LMO7: variants seen among roughly 807,000 people sequenced by gnomAD.
LMO7 encodes the protein LIM domain 7.
Under a neutral mutation model 206.5 loss-of-function variants are expected in LMO7, and 120 were observed. The ratio of observed to expected loss-of-function variants is 0.58; its 90% CI spans 0.50 to 0.68. The LOEUF is 0.68. Ranked by LOEUF, LMO7 falls within the 30% of genes least tolerant of loss-of-function variation. LMO7 has a pLI of 0.00. For synonymous variants in LMO7, 706 were observed against 681.5 expected (o/e 1.04, Z -0.56); for missense variants, 1,959 against 1,957.9 (o/e 1.00, Z -0.01).
intron 26 of LMO7, among the ~76,000 whole-genome samples, chr13:75,846,246 AG>A (rs1246705505): frequency 6.6e-6 from 1 of 152,204 alleles, no homozygotes; most frequent in Admixed American, 6.5e-5. Flanking sequence ...CTCTCATTAA[AG>A]CTTATAGAAC....
At chr13:75,714,270 A>G (rs886608965) in intron 2 of LMO7, among the ~76,000 whole-genome samples, 1 of 152,076 alleles carries the variant, frequency 6.6e-6, no homozygotes. Flanking sequence ...TTTGAGCCTT[A>G]TTTTCTCATC....
At chr13:75,641,610 G>T (rs923667580) in intron 1 of LMO7, among the ~76,000 whole-genome samples, 3 of 152,094 alleles carry the variant, frequency 2.0e-5, no homozygotes, top group Admixed American at 6.6e-5. Flanking sequence ...GAATGGCCAA[G>T]AAATGTCTTA....
At chr13:75,642,841 A>AT (rs2036673064) in intron 1 of LMO7, among the ~76,000 whole-genome samples, 1 of 152,144 alleles carries the variant, frequency 6.6e-6, no homozygotes, top group Non-Finnish European at 1.5e-5. Context: ...ATGTTGTCCT[A>AT]TTTTTTCTCA....
intron 1 of LMO7, among the ~76,000 whole-genome samples, chr13:75,661,506 C>G: frequency 6.6e-6 from 1 of 152,222 alleles, no homozygotes; most frequent in Non-Finnish European, 1.5e-5. Context: ...GAAGCTGTTT[C>G]AATTGGAGCA....
intron 22 of LMO7, 61 bp downstream of exon 22, chr13:75,840,556 C>A: frequency 6.3e-7 from 1 of 1,579,626 alleles, no homozygotes; most frequent in South Asian, 1.1e-5. Flanking sequence ...TTTCTCCAGT[C>A]TGTCAACCAG....
chr13:75,838,287 C>A, intron 20 of LMO7, 91 bp downstream of exon 20: 2 of 1,527,852 alleles, frequency 1.3e-6, no homozygotes, highest in Non-Finnish European at 1.8e-6. Context: ...GGCACTGAGC[C>A]TCTTCAATTT....
chr13:75,807,166 T>A (rs1048025729), intron 9 of LMO7: 3 of 265,364 alleles, frequency 1.1e-5, no homozygotes, highest in Non-Finnish European at 2.2e-5. Flanking sequence ...TACCAGGGAG[T>A]GGCTTTTGTG....
intron 16 of LMO7, 88 bp from the exon 17 acceptor site, chr13:75,834,138 A>T: frequency 1.1e-6 from 1 of 926,726 alleles, no homozygotes; most frequent in Non-Finnish European, 1.6e-6. Context: ...ATTGAAATTC[A>T]GAGTCATTTT....
At chr13:75,838,346 G>A (rs770596966) in intron 20 of LMO7, 150 bp downstream of exon 20, 16 of 1,513,500 alleles carry the variant, frequency 1.1e-5, no homozygotes, top group African/African-American at 1.4e-5. Flanking sequence ...TCTTTCCCTA[G>A]GGTCATCAGG....
chr13:75,778,292 G>A (rs2140240051), intron 4 of LMO7, among the ~76,000 whole-genome samples: 1 of 152,064 alleles, frequency 6.6e-6, no homozygotes, highest in African/African-American at 2.4e-5. Context: ...GAGTGCAGTG[G>A]TGCGATCTCA....
chr13:75,693,260 C>T (rs540842119), intron 1 of LMO7, among the ~76,000 whole-genome samples: 3 of 152,318 alleles, frequency 2.0e-5, no homozygotes, highest in African/African-American at 7.2e-5. Flanking sequence ...TATTAAACAA[C>T]CACATTTTGA....
At chr13:75,740,868 G>A (rs1292371183) in intron 3 of LMO7, among the ~76,000 whole-genome samples, 1 of 152,184 alleles carries the variant, frequency 6.6e-6, no homozygotes, top group Non-Finnish European at 1.5e-5. Flanking sequence ...TCTGCCTCAA[G>A]TCTGCTTTTG....
chr13:75,762,270 A>C (rs931836155), intron 4 of LMO7, among the ~76,000 whole-genome samples: 8 of 152,278 alleles, frequency 5.3e-5, no homozygotes, highest in African/African-American at 1.7e-4. Context: ...TTCATCACCA[A>C]AGTGAAATGT....
chr13:75,795,023 C>CT (rs964458071), intron 4 of LMO7, among the ~76,000 whole-genome samples: 9 of 151,414 alleles, frequency 5.9e-5, no homozygotes, highest in Non-Finnish European at 1.2e-4. Flanking sequence ...TTTCCCAGTT[C>CT]TTTTTTCATG....
chr13:75,698,547 C>G (rs2042052966), intron 1 of LMO7, among the ~76,000 whole-genome samples: 1 of 151,652 alleles, frequency 6.6e-6, no homozygotes, highest in South Asian at 2.1e-4. Flanking sequence ...ACTTGGCCTC[C>G]CAAAGTGCTG....
At chr13:75,758,400 G>C in intron 3 of LMO7, among the ~76,000 whole-genome samples, 1 of 152,198 alleles carries the variant, frequency 6.6e-6, no homozygotes, top group East Asian at 1.9e-4. Context: ...AATCCAGTAG[G>C]AATGACTGAG....
At chr13:75,828,694 T>G (rs2058359011) in intron 15 of LMO7, among the ~76,000 whole-genome samples, 1 of 152,144 alleles carries the variant, frequency 6.6e-6, no homozygotes, top group Admixed American at 6.5e-5. Flanking sequence ...CTGGCAACTG[T>G]GTGGACAATG....
At chr13:75,760,786 C>T in intron 3 of LMO7, 146 bp from the exon 4 acceptor site, 3 of 1,540,624 alleles carry the variant, frequency 1.9e-6, no homozygotes, top group Non-Finnish European at 8.7e-7. Context: ...TATTTTTTTT[C>T]AAATATACAT....
In LMO7 at chr13:75,859,859, A is replaced by G. The variant is rs989912565; in HGVS notation, c.*1916A>G. 2.0e-5 allele frequency: 3 copies of G among 152,184 alleles called. No individual in the cohort carries two copies. The highest frequency in any genetic ancestry group is 7.2e-5 in the African/African-American group (3 of 41,442). The allele number at this position is 152,184 out of a possible 1,614,324, so 9.4% of individuals were successfully genotyped here. ...CAGTGGTTGAATAAATGAATGAAGA[A>G]ACCACTATCAATTTCTGCCTTGTTA... is the stretch of plus-strand genomic sequence containing the variant. On this transcript the variant is annotated 3_prime_UTR_variant, in exon 31 of 31. Coordinates refer to ENST00000377534, the MANE Select transcript of LMO7 (RefSeq NM_001306080.2).
Sources: allele counts gnomAD v4.1 joint callset (sites outside exome capture counted in the v4.1 genomes callset), GRCh38; gene constraint gnomAD v4.1.1; transcripts MANE v1.5; gene names NCBI Gene and HGNC (gene_info 2026-07-23, HGNC 2026-07-21).